ME3: variants seen among roughly 807,000 people sequenced by gnomAD.
ME3 encodes NADP-dependent malic enzyme, mitochondrial.
In ME3, 48 loss-of-function variants were observed where a neutral mutation model predicts 68.9. That is an observed-to-expected ratio of 0.70 (90% CI 0.55 to 0.89). The LOEUF is 0.89. Among genes scored for constraint, ME3 ranks in the 40% least tolerant of loss-of-function variants. The pLI, the probability that ME3 is intolerant of heterozygous loss-of-function variation, is 0.00. For synonymous variants in ME3, 320 were observed against 318.8 expected (o/e 1.00, Z -0.04); for missense variants, 675 against 797.4 (o/e 0.85, Z 1.85).
chr11:86,604,577 CATAA>C (rs1565202937), intron 2 of ME3, among the ~76,000 whole-genome samples: 1 of 152,082 alleles, frequency 6.6e-6, no homozygotes, highest in Non-Finnish European at 1.5e-5. Context: ...ATACAGTAAA[CATAA>C]ATAAGCATAT....
chr11:86,446,151 G>A (rs1171813734), intron 13 of ME3, among the ~76,000 whole-genome samples, 163 bp downstream of exon 13: 2 of 152,190 alleles, frequency 1.3e-5, no homozygotes, highest in Non-Finnish European at 2.9e-5. Flanking sequence ...AAGAAGTCAA[G>A]CTTCAAGGTG....
chr11:86,570,840 A>C (rs1365367463), intron 2 of ME3, among the ~76,000 whole-genome samples: 1 of 152,158 alleles, frequency 6.6e-6, no homozygotes, highest in Admixed American at 6.5e-5. Flanking sequence ...CAGCCAGTAC[A>C]TGGAGGTGCT....
intron 2 of ME3, among the ~76,000 whole-genome samples, chr11:86,641,048 T>A (rs1193848507): frequency 9.1e-6 from 1 of 109,570 alleles, no homozygotes; most frequent in Non-Finnish European, 2.0e-5. Flanking sequence ...GGGGGGGGGG[T>A]CAATGAAGGG....
chr11:86,632,979 G>A (rs1023038543), intron 2 of ME3, among the ~76,000 whole-genome samples: 7 of 152,164 alleles, frequency 4.6e-5, no homozygotes, highest in East Asian at 1.9e-4. Flanking sequence ...GTCACTCTCC[G>A]CCTGAGCACT....
chr11:86,549,344 T>TC (rs1956545360), intron 4 of ME3, among the ~76,000 whole-genome samples: 1 of 152,214 alleles, frequency 6.6e-6, no homozygotes, highest in Middle Eastern at 3.2e-3. Context: ...TGCCCTTATC[T>TC]CCTCTTTCCA....
At chr11:86,642,346 CA>C (rs1944721164) in intron 2 of ME3, among the ~76,000 whole-genome samples, 1 of 152,110 alleles carries the variant, frequency 6.6e-6, no homozygotes, top group Non-Finnish European at 1.5e-5. Context: ...GCAGTGATGC[CA>C]ACTACTGCAT....
chr11:86,592,391 G>A (rs1353603707), intron 2 of ME3, among the ~76,000 whole-genome samples: 2 of 152,186 alleles, frequency 1.3e-5, no homozygotes. Flanking sequence ...TGACTATTGA[G>A]CTTTGTTGAC....
At chr11:86,487,229 G>T (rs1951745381) in intron 7 of ME3, 108 bp downstream of exon 7, 4 of 851,220 alleles carry the variant, frequency 4.7e-6, no homozygotes, top group Admixed American at 4.1e-5. Context: ...ACCTGGAAAA[G>T]CATGCATCTA....
intron 6 of ME3, among the ~76,000 whole-genome samples, chr11:86,490,577 T>G (rs985283077): frequency 6.6e-6 from 1 of 152,208 alleles, no homozygotes; most frequent in Non-Finnish European, 1.5e-5. Flanking sequence ...TGCAGTCACC[T>G]GGACAAATTT....
chr11:86,613,368 G>C (rs886075095), intron 2 of ME3, among the ~76,000 whole-genome samples: 1 of 152,130 alleles, frequency 6.6e-6, no homozygotes, highest in Non-Finnish European at 1.5e-5. Context: ...ATATCATACT[G>C]AATGGGCAAA....
At chr11:86,640,510 A>G (rs1309103487) in intron 2 of ME3, among the ~76,000 whole-genome samples, 1 of 152,202 alleles carries the variant, frequency 6.6e-6, no homozygotes, top group African/African-American at 2.4e-5. Flanking sequence ...ACCTGGGGCC[A>G]CAGATTTTCA....
chr11:86,586,458 G>A (rs567844784), intron 2 of ME3, among the ~76,000 whole-genome samples: 1 of 152,308 alleles, frequency 6.6e-6, no homozygotes, highest in African/African-American at 2.4e-5. Context: ...GGTCCAGGGT[G>A]TGACTCTGGG....
chr11:86,623,821 G>C (rs72957403), intron 2 of ME3, among the ~76,000 whole-genome samples: 1 of 152,120 alleles, frequency 6.6e-6, no homozygotes, highest in Non-Finnish European at 1.5e-5. Flanking sequence ...GTGTGTTGTG[G>C]AACATACTTT....
chr11:86,599,018 A>G (rs1265052891), intron 2 of ME3, among the ~76,000 whole-genome samples: 1 of 152,164 alleles, frequency 6.6e-6, no homozygotes, highest in Non-Finnish European at 1.5e-5. Flanking sequence ...GAGCAGAAAA[A>G]CTGGAAACTC....
At chr11:86,634,075 C>T (rs1026200794) in intron 2 of ME3, among the ~76,000 whole-genome samples, 1 of 152,160 alleles carries the variant, frequency 6.6e-6, no homozygotes, top group South Asian at 2.1e-4. Context: ...ACACCCCTCT[C>T]CTTCCATTCC....
chr11:86,461,039 C>T (rs977101571), intron 8 of ME3, among the ~76,000 whole-genome samples: 5 of 152,228 alleles, frequency 3.3e-5, no homozygotes, highest in African/African-American at 1.2e-4. Context: ...GGCAGGATGA[C>T]AGCAGCAGGA....
chr11:86,599,800 C>T (rs1239541342), intron 2 of ME3, among the ~76,000 whole-genome samples: 2 of 152,268 alleles, frequency 1.3e-5, no homozygotes, highest in East Asian at 1.9e-4. Context: ...CAATATTCAA[C>T]ATTCTTAAAG....
chr11:86,594,882 T>C (rs1197994753), intron 2 of ME3, among the ~76,000 whole-genome samples: 1 of 145,958 alleles, frequency 6.9e-6, no homozygotes, highest in Non-Finnish European at 1.5e-5. Flanking sequence ...AATCAGTGCC[T>C]TGTTAGGGCC....
intron 2 of ME3, among the ~76,000 whole-genome samples, chr11:86,641,725 A>G (rs1302923966): frequency 6.6e-6 from 1 of 152,208 alleles, no homozygotes; most frequent in Non-Finnish European, 1.5e-5. Flanking sequence ...AATTGTTTTC[A>G]TCATTGGACT....
Sources: gnomAD v4.1 joint callset for allele counts (sites outside exome capture counted in the v4.1 genomes callset) on GRCh38, gnomAD v4.1.1 for gene constraint, MANE v1.5 for transcripts, NCBI Gene and HGNC (gene_info 2026-07-23, HGNC 2026-07-21) for gene names.